The following ULK4 variants were observed in gnomAD, a reference collection of about 807,000 sequenced individuals.
ULK4 encodes inactive serine/threonine-protein kinase ULK4.
ULK4 carries 133 observed loss-of-function variants against 160.6 expected under a neutral mutation model. The ratio of observed to expected loss-of-function variants is 0.83; its 90% CI spans 0.72 to 0.96. The LOEUF is 0.96. Ranked by LOEUF, ULK4 falls within the 40% of genes least tolerant of loss-of-function variation. The pLI, the probability that ULK4 is intolerant of heterozygous loss-of-function variation, is 0.00. For synonymous variants in ULK4, 534 were observed against 539.8 expected (o/e 0.99, Z 0.15); for missense variants, 1,580 against 1,499.5 (o/e 1.05, Z -0.89).
chr3:41,468,647 T>A (rs561080966), intron 32 of ULK4, among the ~76,000 whole-genome samples: 1 of 152,252 alleles, frequency 6.6e-6, no homozygotes, highest in South Asian at 2.1e-4. Flanking sequence ...CTTTTCCACA[T>A]GAAAAGGGTA....
chr3:41,505,734 G>T (rs1486875775), intron 32 of ULK4, among the ~76,000 whole-genome samples: 2 of 151,724 alleles, frequency 1.3e-5, no homozygotes, highest in Admixed American at 1.3e-4. Context: ...AATTTTCTAG[G>T]TTCACAATCA....
intron 31 of ULK4, among the ~76,000 whole-genome samples, chr3:41,599,189 G>C (rs893955054): frequency 3.8e-4 from 58 of 152,306 alleles, no homozygotes; most frequent in African/African-American, 1.3e-3. Flanking sequence ...CAGCTGATTA[G>C]GATGAGGATA....
At chr3:41,705,033 T>C (rs1477461094) in intron 27 of ULK4, 24 bp downstream of exon 27, 2 of 1,578,800 alleles carry the variant, frequency 1.3e-6, no homozygotes, top group South Asian at 1.2e-5. Flanking sequence ...AAAGGAGCTT[T>C]TTTCAAAAGC....
At chr3:41,715,369 T>C in intron 24 of ULK4, 76 bp from the exon 25 acceptor site, 1 of 1,610,782 alleles carries the variant, frequency 6.2e-7, no homozygotes, top group Non-Finnish European at 8.5e-7. Context: ...AAAAATGTTT[T>C]GAGTTGAGGA....
intron 21 of ULK4, among the ~76,000 whole-genome samples, chr3:41,781,365 C>G (rs2039835379): frequency 6.7e-6 from 1 of 149,506 alleles, no homozygotes; most frequent in African/African-American, 2.5e-5. Flanking sequence ...TGCAGTGAGC[C>G]AAGATCGCGC....
intron 30 of ULK4, among the ~76,000 whole-genome samples, chr3:41,617,225 T>C (rs554997940): frequency 6.6e-6 from 1 of 152,324 alleles, no homozygotes; most frequent in African/African-American, 2.4e-5. Context: ...GAACAGCTGA[T>C]GCTCTTGACA....
chr3:41,706,846 A>ATATT (rs1473434090), intron 25 of ULK4, among the ~76,000 whole-genome samples: 41 of 129,580 alleles, frequency 3.2e-4, no homozygotes, highest in African/African-American at 1.1e-3. Context: ...AAAAAAAAAA[A>ATATT]ATATGTGTGT....
At chr3:41,465,278 T>C (rs935614276) in intron 32 of ULK4, among the ~76,000 whole-genome samples, 1 of 152,182 alleles carries the variant, frequency 6.6e-6, no homozygotes, top group Non-Finnish European at 1.5e-5. Context: ...GTACCTTCAT[T>C]ACCCTTTTCA....
chr3:41,507,193 A>T (rs2085425145), intron 32 of ULK4, among the ~76,000 whole-genome samples: 1 of 150,948 alleles, frequency 6.6e-6, no homozygotes, highest in African/African-American at 2.4e-5. Flanking sequence ...AAAAAAAAAA[A>T]AAAAAAAGTC....
chr3:41,657,490 AAAC>A (rs1404180082), intron 30 of ULK4, among the ~76,000 whole-genome samples: 1 of 152,128 alleles, frequency 6.6e-6, no homozygotes, highest in African/African-American at 2.4e-5. Context: ...CTATCTGCAC[AAAC>A]AATTAAGGCA....
At chr3:41,489,692 CA>C (rs760882037) in intron 32 of ULK4, among the ~76,000 whole-genome samples, 1 of 152,100 alleles carries the variant, frequency 6.6e-6, no homozygotes, top group Non-Finnish European at 1.5e-5. Context: ...TCAAGGAAGT[CA>C]GCACTAACAC....
At chr3:41,582,930 A>G (rs188618215) in intron 31 of ULK4, among the ~76,000 whole-genome samples, 24 of 152,340 alleles carry the variant, frequency 1.6e-4, no homozygotes, top group Admixed American at 2.0e-4. Context: ...ACATTCATCA[A>G]TAAGTCTTAC....
chr3:41,558,154 T>C (rs1039978058), intron 32 of ULK4, among the ~76,000 whole-genome samples: 2 of 152,152 alleles, frequency 1.3e-5, no homozygotes, highest in Non-Finnish European at 2.9e-5. Context: ...AAAGGATACA[T>C]GTATAAAACT....
intron 21 of ULK4, among the ~76,000 whole-genome samples, chr3:41,758,225 G>C (rs1403997377): frequency 1.3e-5 from 2 of 152,042 alleles, no homozygotes; most frequent in Non-Finnish European, 2.9e-5. Context: ...CCAGAACAGT[G>C]AGCAATAAAT....
chr3:41,568,994 A>G (rs919249477), intron 31 of ULK4, among the ~76,000 whole-genome samples: 1 of 152,190 alleles, frequency 6.6e-6, no homozygotes, highest in Admixed American at 6.5e-5. Flanking sequence ...ACTCAGGAAA[A>G]CACGTTTACC....
chr3:41,350,603 G>A (rs750902329), intron 35 of ULK4, among the ~76,000 whole-genome samples: 32 of 152,164 alleles, frequency 2.1e-4, no homozygotes, highest in Non-Finnish European at 3.8e-4. Flanking sequence ...AGCAACTCCA[G>A]AATCATCTAG....
intron 35 of ULK4, among the ~76,000 whole-genome samples, chr3:41,324,212 G>A (rs11716983): frequency 3.9e-5 from 6 of 152,176 alleles, no homozygotes. Flanking sequence ...AGAAGATGTA[G>A]GCCTTGCTCC....
At position 41,608,297 on chromosome 3, in the gene ULK4, C is replaced by G. The variant is rs537085398; in HGVS notation, c.3120+7372G>C. On this transcript the variant is annotated intron_variant, in intron 31 of 36. Coordinates refer to ENST00000301831, the MANE Select transcript of ULK4 (RefSeq NM_017886.4). ...ATAAATTCTTCTTTTTCTTGCTCAT[C>G]CAAAAAAACAAATGCAAAGAGCATC... Among the ~76,000 whole-genome samples, 19 of 152,076 alleles carry G rather than the reference C, an allele frequency of 1.2e-4. No homozygotes were observed. The South Asian group carries it at 3.7e-3, about 30-fold the overall frequency.
rs1397850413 is a variant in ULK4 at position 41,935,865 on chromosome 3, A to AG, written c.313dup (p.Leu105ProfsTer3). 1 of 1,614,050 alleles carries AG rather than the reference A, an allele frequency of 6.2e-7. No individual in the cohort carries two copies. On this transcript the variant is annotated frameshift_variant, in exon 4 of 37. Coordinates refer to ENST00000301831, the MANE Select transcript of ULK4 (RefSeq NM_017886.4). LOFTEE classifies it high-confidence loss of function. ...ATGAAGATGATGTAATCCACTAATC[A>AG]GGTCAATTCCAAATTCTCTCACAAC... is the stretch of plus-strand genomic sequence containing the variant.
Sources: allele counts gnomAD v4.1 joint callset (sites outside exome capture counted in the v4.1 genomes callset), GRCh38; gene constraint gnomAD v4.1.1; transcripts MANE v1.5; gene names NCBI Gene and HGNC (gene_info 2026-07-23, HGNC 2026-07-21).